EHMT1: variants seen among roughly 807,000 people sequenced by gnomAD.
EHMT1 encodes the protein histone-lysine N-methyltransferase EHMT1.
EHMT1 carries 15 observed loss-of-function variants against 147.2 expected under a neutral mutation model. That is an observed-to-expected ratio of 0.10 (90% CI 0.07 to 0.16). The LOEUF is 0.16. Among genes scored for constraint, EHMT1 ranks in the 10% least tolerant of loss-of-function variants. The pLI, the probability that EHMT1 is intolerant of heterozygous loss-of-function variation, is 1.00. For missense variants in EHMT1, 1,587 were observed against 1,772.4 expected (o/e 0.90, Z 1.88); for synonymous variants, 795 against 709.6 (o/e 1.12, Z -1.91).
intron 25 of EHMT1, among the ~76,000 whole-genome samples, chr9:137,821,864 TGTG>T (rs1955448512): frequency 6.6e-6 from 1 of 152,242 alleles, no homozygotes; most frequent in South Asian, 2.1e-4. Context: ...TATGGTTTTC[TGTG>T]GTGTGGTCTT....
intron 10 of EHMT1, among the ~76,000 whole-genome samples, chr9:137,770,430 G>A (rs1161834579): frequency 2.6e-5 from 4 of 152,236 alleles, no homozygotes; most frequent in Non-Finnish European, 5.9e-5. Flanking sequence ...TCATCTCTGA[G>A]TGTGCTTCTG....
In EHMT1 at chr9:137,775,485, G is replaced by A. The variant is rs960740541; in HGVS notation, c.1791+233G>A. Reference sequence around the variant, plus strand: ...ATTTCCCTCCTACCGCCTGGAAACCGCTTTTGGAGATGACTAGGACGGTGT... The same window carrying A: ...ATTTCCCTCCTACCGCCTGGAAACCACTTTTGGAGATGACTAGGACGGTGT... On this transcript the variant is annotated intron_variant, in intron 11 of 26. Coordinates refer to ENST00000460843, the MANE Select transcript of EHMT1 (RefSeq NM_024757.5). The surrounding 1 kb of genome is among the most constrained non-coding windows in gnomAD (Gnocchi z 6.1). Among the ~76,000 whole-genome samples the A allele has an allele frequency of 2.0e-5, 3 of 150,912 alleles. No homozygotes were observed. The highest frequency in any genetic ancestry group is 6.6e-5 in the Admixed American group (1 of 15,148).
At chr9:137,825,522 T>C (rs989464992) in intron 25 of EHMT1, among the ~76,000 whole-genome samples, 4 of 152,178 alleles carry the variant, frequency 2.6e-5, no homozygotes, top group Non-Finnish European at 4.4e-5. Context: ...CCTGTGGATT[T>C]GGCTGGGCCA....
At chr9:137,631,650 A>G (rs558002405) in intron 1 of EHMT1, among the ~76,000 whole-genome samples, 1 of 152,200 alleles carries the variant, frequency 6.6e-6, no homozygotes, top group East Asian at 1.9e-4. Context: ...CTGAGGCAGG[A>G]GGATCACTTG....
chr9:137,812,190 T>C (rs1954545587), intron 19 of EHMT1, among the ~76,000 whole-genome samples: 1 of 152,022 alleles, frequency 6.6e-6, no homozygotes, highest in South Asian at 2.1e-4. Context: ...ATACAAAAAT[T>C]AGCCGGCCAT....
chr9:137,656,999 C>T (rs1202839228), intron 1 of EHMT1, among the ~76,000 whole-genome samples: 1 of 152,154 alleles, frequency 6.6e-6, no homozygotes, highest in African/African-American at 2.4e-5. Context: ...CCTCAGCCTC[C>T]CAAAGTGCTG....
intron 1 of EHMT1, among the ~76,000 whole-genome samples, chr9:137,671,540 T>TTC (rs1940646292): frequency 1.3e-5 from 2 of 149,988 alleles, no homozygotes; most frequent in African/African-American, 4.9e-5. Flanking sequence ...TTTTTTTTTT[T>TTC]TCGAGACAGA....
At chr9:137,705,583 G>A (rs1316337938) in intron 1 of EHMT1, among the ~76,000 whole-genome samples, 1 of 152,226 alleles carries the variant, frequency 6.6e-6, no homozygotes, top group Non-Finnish European at 1.5e-5. Context: ...TGTAAGGTCT[G>A]TTGCTCAGGT....
At position 137,834,497 on chromosome 9, in the gene EHMT1, G is replaced by A. The variant is rs1454873074; in HGVS notation, c.3689G>A (p.Arg1230His). ...RFPRIAFFST[R>H]LIEAGEQLGF... ...CCCCGGATCGCCTTCTTCAGCACCC[G>A]CCTGATCGAGGCCGGCGAGCAGCTC... Residue 1230 changes from arginine (R) to histidine (H), a missense_variant, in exon 26 of 27, where the codon CGC becomes CAC. Physicochemically the swap from Arg to His is conservative, Grantham distance 29. This residue lies in a region of EHMT1 where 141 missense variants were observed against 150.8 expected (regional missense o/e 0.94). Transcript: ENST00000460843. The A allele has an allele frequency of 2.5e-6, 4 of 1,611,922 alleles. No homozygotes were observed. The highest frequency in any genetic ancestry group is 2.5e-6 in the Non-Finnish European group (3 of 1,179,750).
chr9:137,742,291 G>T (rs1179768174), intron 4 of EHMT1, among the ~76,000 whole-genome samples: 1 of 57,758 alleles, frequency 1.7e-5, no homozygotes, highest in Non-Finnish European at 5.5e-5. Context: ...AACCAAATTT[G>T]TGTGTGTGTG....
chr9:137,697,243 T>A (rs1449518161), intron 1 of EHMT1: 1 of 239,818 alleles, frequency 4.2e-6, no homozygotes, highest in African/African-American at 2.3e-5. Flanking sequence ...ATGGTGCCAC[T>A]GCACGCCAGC....
intron 1 of EHMT1, among the ~76,000 whole-genome samples, chr9:137,628,241 T>C (rs1252460924): frequency 6.6e-6 from 1 of 152,204 alleles, no homozygotes; most frequent in Non-Finnish European, 1.5e-5. Flanking sequence ...TTCTCCTTCC[T>C]CTACTCTGTG....
chr9:137,658,095 G>A (rs1056464255), intron 1 of EHMT1, among the ~76,000 whole-genome samples: 12 of 152,130 alleles, frequency 7.9e-5, no homozygotes, highest in Non-Finnish European at 1.0e-4. Flanking sequence ...TGTGTGCCAC[G>A]TTTTACCTTC....
At chr9:137,714,555 A>ATTTTT (rs35445261) in intron 2 of EHMT1, among the ~76,000 whole-genome samples, 1 of 84,206 alleles carries the variant, frequency 1.2e-5, no homozygotes, top group Non-Finnish European at 2.4e-5. Flanking sequence ...CAGTTTGCTC[A>ATTTTT]TTTTTTTTTT....
Position 137,835,050 on chromosome 9 carries a change from C to A in EHMT1, c.*97C>A. 1 of 1,297,834 alleles carries A rather than the reference C, an allele frequency of 7.7e-7. No individual in the cohort carries two copies. Among genetic ancestry groups the A allele is most frequent in the Non-Finnish European group, 9.8e-7 (1 of 1,016,132 alleles). The allele number at this position is 1,297,834 out of a possible 1,614,324, so 80.4% of individuals were successfully genotyped here. On this transcript the variant is annotated 3_prime_UTR_variant, in exon 27 of 27. Coordinates refer to ENST00000460843, the MANE Select transcript of EHMT1 (RefSeq NM_024757.5). ...GATTCCGCACGCAACCGAAAGGGTCCTTCGGGGCTGCGCCGCCGGCTTCCT... is the reference window on the plus strand; with the variant it reads ...GATTCCGCACGCAACCGAAAGGGTCATTCGGGGCTGCGCCGCCGGCTTCCT...
rs554920308 is a variant in EHMT1, at chr9:137,775,994, C to T, written c.1792-624C>T. On this transcript the variant is annotated intron_variant, in intron 11 of 26. Coordinates refer to ENST00000460843, the MANE Select transcript of EHMT1 (RefSeq NM_024757.5). This position sits in a 1 kb window ranked among gnomAD's most constrained non-coding sequence, Gnocchi z 6.1. ...GTGTTTGAGTGTGAGCTTCAGGCAC[C>T]CAGAGATGCCCTGCTGCCCCTTTAC... 2.1e-4 allele frequency among the ~76,000 whole-genome samples: 32 copies of T among 152,176 alleles called. No individual in the cohort carries two copies. In the South Asian group the frequency reaches 6.4e-3, roughly 31 times the overall value.
chr9:137,813,132 G>A lies in EHMT1; in HGVS notation c.2994G>A (p.Ser998=), dbSNP rs778296046. The change falls in exon 20 of 27, where the codon TCG becomes TCA. Residue 998 remains serine (S), a synonymous_variant. Coordinates refer to ENST00000460843, the MANE Select transcript of EHMT1 (RefSeq NM_024757.5). The surrounding 1 kb of genome is among the most constrained non-coding windows in gnomAD (Gnocchi z 4.9). ...AGATGAGCAAGGCTCTGCAGGACTC[G>A]GCCCCCGACAGGCCCAGCCCCGTGG... ...ALQMSKALQD[S]APDRPSPVER... 9 of 1,612,278 alleles carry A rather than the reference G, an allele frequency of 5.6e-6. No homozygotes were observed. The highest frequency in any genetic ancestry group is 1.7e-5 in the Admixed American group (1 of 60,020).
At chr9:137,694,205 G>T (rs1588207464) in intron 1 of EHMT1, among the ~76,000 whole-genome samples, 20 of 118,306 alleles carry the variant, frequency 1.7e-4, no homozygotes, top group African/African-American at 3.1e-4. Context: ...GGTGCTGGAC[G>T]CTGGCCGATA....
intron 3 of EHMT1, among the ~76,000 whole-genome samples, chr9:137,721,734 C>T (rs189957081): frequency 7.2e-5 from 11 of 152,172 alleles, no homozygotes. Flanking sequence ...TTTCAGACTT[C>T]TGCTCGTTTT....
Sources: allele counts gnomAD v4.1 joint callset (sites outside exome capture counted in the v4.1 genomes callset), GRCh38; gene constraint gnomAD v4.1.1; regional missense constraint gnomAD v4.1.1; non-coding constraint Gnocchi (gnomAD v3.1); transcripts MANE v1.5; gene names NCBI Gene and HGNC (gene_info 2026-07-23, HGNC 2026-07-21).